KRIT1: variants seen among roughly 807,000 people sequenced by gnomAD.
KRIT1 encodes KRIT1 ankyrin repeat containing.
KRIT1 carries 45 observed loss-of-function variants against 95.8 expected under a neutral mutation model. That is an observed-to-expected ratio of 0.47 (90% CI 0.37 to 0.60). KRIT1 has a LOEUF of 0.60. KRIT1 is among the 20% of genes least tolerant of loss of function. KRIT1 has a pLI of 0.00. For missense variants in KRIT1, 788 were observed against 877.5 expected (o/e 0.90, Z 1.29); for synonymous variants, 282 against 278.8 (o/e 1.01, Z -0.11).
At chr7:92,221,265 G>A (rs942716332) in intron 14 of KRIT1, among the ~76,000 whole-genome samples, 2 of 151,926 alleles carry the variant, frequency 1.3e-5, no homozygotes, top group Non-Finnish European at 1.5e-5. Flanking sequence ...GCAAAACCCC[G>A]TCTCCGCTAA....
intron 12 of KRIT1, among the ~76,000 whole-genome samples, chr7:92,224,667 A>G (rs1217882121): frequency 6.6e-6 from 1 of 152,196 alleles, no homozygotes; most frequent in Non-Finnish European, 1.5e-5. Context: ...AGTTGTAATT[A>G]GATGGAAAGG....
intron 13 of KRIT1, among the ~76,000 whole-genome samples, chr7:92,222,287 G>A (rs924720019): frequency 6.6e-6 from 1 of 152,000 alleles, no homozygotes; most frequent in East Asian, 1.9e-4. Flanking sequence ...AAATGTATAT[G>A]AAATCCTTAA....
intron 10 of KRIT1, among the ~76,000 whole-genome samples, chr7:92,230,253 G>C (rs995603869): frequency 4.6e-5 from 7 of 152,056 alleles, no homozygotes; most frequent in Non-Finnish European, 1.0e-4. Flanking sequence ...AACGTCTCAT[G>C]GTGACTAGCC....
intron 14 of KRIT1, among the ~76,000 whole-genome samples, chr7:92,220,459 T>C (rs1794901155): frequency 1.3e-5 from 2 of 152,178 alleles, no homozygotes; most frequent in South Asian, 4.1e-4. Flanking sequence ...GAGCAATATA[T>C]ATAGTTATGT....
chr7:92,227,986 C>T (rs531220098), intron 10 of KRIT1, among the ~76,000 whole-genome samples: 1 of 152,134 alleles, frequency 6.6e-6, no homozygotes, highest in South Asian at 2.1e-4. Flanking sequence ...GCACTCGAGG[C>T]TGGGTGACAG....
At position 92,241,160 on chromosome 7, in the gene KRIT1, G is replaced by A. The variant is rs1418348893; in HGVS notation, c.103-8C>T. Reference sequence around the variant, plus strand: ...AACTTCATGCAACAAAATCTTAGATGAGAAAAACATTAAGAGAAAGCTTAA... The same window carrying A: ...AACTTCATGCAACAAAATCTTAGATAAGAAAAACATTAAGAGAAAGCTTAA... On this transcript the variant is annotated splice_region_variant and splice_polypyrimidine_tract_variant and intron_variant, in intron 4 of 18. Transcript: ENST00000394505. 3 of 1,589,280 alleles carry A rather than the reference G, an allele frequency of 1.9e-6. No homozygotes were observed. In the East Asian group the frequency reaches 6.7e-5, roughly 36 times the overall value.
chr7:92,231,826 C>T (rs1797361433), intron 10 of KRIT1, among the ~76,000 whole-genome samples: 1 of 152,164 alleles, frequency 6.6e-6, no homozygotes, highest in African/African-American at 2.4e-5. Flanking sequence ...GTATAAAACT[C>T]TTTTCCTTGG....
chr7:92,236,917 G>T (rs759234183), intron 6 of KRIT1, among the ~76,000 whole-genome samples: 14 of 152,180 alleles, frequency 9.2e-5, no homozygotes, highest in Non-Finnish European at 2.1e-4. Context: ...CTGTGTAGCA[G>T]CAGGCTGATG....
intron 14 of KRIT1, among the ~76,000 whole-genome samples, chr7:92,218,058 C>T (rs755269566): frequency 3.3e-5 from 5 of 152,086 alleles, no homozygotes; most frequent in Admixed American, 1.3e-4. Flanking sequence ...AGTCCTTCGA[C>T]CTATTTTATT....
At chr7:92,227,505 G>A (rs1395756515) in intron 10 of KRIT1, among the ~76,000 whole-genome samples, 1 of 152,152 alleles carries the variant, frequency 6.6e-6, no homozygotes, top group Non-Finnish European at 1.5e-5. Flanking sequence ...AGATGGTCCT[G>A]TAAAGTGCTC....
intron 17 of KRIT1, among the ~76,000 whole-genome samples, chr7:92,209,692 G>C (rs767312692): frequency 2.0e-5 from 3 of 152,092 alleles, no homozygotes; most frequent in African/African-American, 7.2e-5. Flanking sequence ...ACAAAACACT[G>C]ATGCAAGAAA....
Position 92,242,119 on chromosome 7 carries a change from T to C in KRIT1, c.17A>G (p.Asn6Ser). Residue 6 changes from asparagine to serine, a missense_variant, in exon 4 of 19, where the codon AAC becomes AGC. Asn to Ser is a conservative substitution (Grantham distance 46). This residue lies in a region of KRIT1 where 289 missense variants were observed against 277.5 expected (regional missense o/e 1.04). Transcript: ENST00000394505. Reference protein sequence around the residue: MGNPENIEDAYVAVIR... With the variant: MGNPESIEDAYVAVIR... The stretch of plus-strand genomic sequence containing the variant: ...AACAGCAACATATGCATCTTCTATG[T>C]TTTCTGGATTTCCCATTGCTTTACA... 6.3e-7 allele frequency: 1 copy of C among 1,591,740 alleles called. No individual in the cohort carries two copies. Among genetic ancestry groups the C allele is most frequent in the Admixed American group, 1.7e-5 (1 of 59,990 alleles).
chr7:92,225,673 T>C lies in KRIT1; in HGVS notation c.1254+47A>G, dbSNP rs757784242. On this transcript the variant is annotated intron_variant, in intron 12 of 18. Transcript: ENST00000394505. ...CACAGATCCTCAAATTTAAATCTTA[T>C]TAATTTAAATACTATGCCTGGCTCT... The C allele has an allele frequency of 7.7e-6, 8 of 1,035,808 alleles. No individual in the cohort carries two copies. In the South Asian group the frequency reaches 1.0e-4, roughly 13 times the overall value. The allele number at this position is 1,035,808 out of a possible 1,614,324, so 64.2% of individuals were successfully genotyped here. A position where few individuals can be genotyped will look rare whatever the true frequency, so the allele number is the denominator to read the frequency against.
chr7:92,219,600 A>G (rs1417271053), intron 14 of KRIT1, among the ~76,000 whole-genome samples: 2 of 152,152 alleles, frequency 1.3e-5, no homozygotes, highest in Non-Finnish European at 2.9e-5. Context: ...CATTCTTCTT[A>G]AGATTGCTTT....
At chr7:92,204,653 G>A (rs949274092) in intron 17 of KRIT1, among the ~76,000 whole-genome samples, 1 of 152,040 alleles carries the variant, frequency 6.6e-6, no homozygotes, top group African/African-American at 2.4e-5. Flanking sequence ...CAATTCAAAA[G>A]AGGGTTCATG....
At chr7:92,227,035 A>G (rs1796340673) in intron 10 of KRIT1, among the ~76,000 whole-genome samples, 1 of 152,244 alleles carries the variant, frequency 6.6e-6, no homozygotes, top group Non-Finnish European at 1.5e-5. Context: ...AGTAACTCAT[A>G]TAAGAAAACT....
intron 10 of KRIT1, among the ~76,000 whole-genome samples, chr7:92,227,968 G>A (rs751423520): frequency 3.3e-5 from 5 of 152,004 alleles, no homozygotes; most frequent in African/African-American, 7.2e-5. Flanking sequence ...GCCAGAGATC[G>A]CGCCATTGCA....
chr7:92,232,697 TTTTTC>T lies in KRIT1; in HGVS notation c.989+1747_989+1751del, dbSNP rs557911074. Among the ~76,000 whole-genome samples, 17 of 152,290 alleles carry T rather than the reference TTTTTC, an allele frequency of 1.1e-4. No individual in the cohort carries two copies. The East Asian group carries it at 3.3e-3, about 29-fold the overall frequency. Reference sequence around the variant, plus strand: ...CTCCTGGTAAAGCATGTGATTTCTTTTTTTCCTTTTTTTTGAGATGGAGTCTCACT... The same window carrying T: ...CTCCTGGTAAAGCATGTGATTTCTTTCTTTTTTTTGAGATGGAGTCTCACT... On this transcript the variant is annotated intron_variant, in intron 10 of 18. Transcript: ENST00000394505.
intron 14 of KRIT1, among the ~76,000 whole-genome samples, chr7:92,218,507 A>C (rs574873833): frequency 2.3e-4 from 35 of 151,444 alleles, no homozygotes; most frequent in African/African-American, 8.0e-4. Flanking sequence ...CAGTCTCCTG[A>C]GTAGCTGGTA....
Sources: allele counts gnomAD v4.1 joint callset (sites outside exome capture counted in the v4.1 genomes callset), GRCh38; gene constraint gnomAD v4.1.1; regional missense constraint gnomAD v4.1.1; transcripts MANE v1.5; gene names NCBI Gene and HGNC (gene_info 2026-07-23, HGNC 2026-07-21).